SH3BP2: variants seen among roughly 807,000 people sequenced by gnomAD.
SH3BP2 encodes SH3 domain binding protein 2.
A neutral mutation model predicts 56.2 loss-of-function variants in SH3BP2; 38 were observed. The ratio of observed to expected loss-of-function variants is 0.68; its 90% confidence interval spans 0.52 to 0.89. The LOEUF is 0.89. Ranked by LOEUF, SH3BP2 falls within the 40% of genes least tolerant of loss-of-function variation. SH3BP2 has a pLI of 0.00. For missense variants in SH3BP2, 748 were observed against 762.6 expected (o/e 0.98, Z 0.23); for synonymous variants, 346 against 316.7 (o/e 1.09, Z -0.98).
At chr4:2,812,185 G>T in intron 1 of SH3BP2, 1 of 1,435,880 alleles carries the variant, frequency 7.0e-7, no homozygotes, top group Non-Finnish European at 9.1e-7. Context: ...CAGCTTTCAG[G>T]ACCTCACAGG....
intron 1 of SH3BP2, chr4:2,818,199 G>T (rs1479956082): frequency 2.0e-6 from 2 of 987,730 alleles, no homozygotes; most frequent in Non-Finnish European, 2.4e-6. Context: ...AGGAGCCGGC[G>T]GCTGCCAGGC....
chr4:2,812,430 G>A lies in SH3BP2; in HGVS notation c.-4-8184G>A, dbSNP rs1336695081. 18 of 1,550,328 alleles carry A rather than the reference G, an allele frequency of 1.2e-5. No homozygotes were observed. The East Asian group carries it at 1.2e-4, about 11-fold the overall frequency. On this transcript the variant is annotated intron_variant, in intron 1 of 12. Transcript: ENST00000503393. ...CCCTGGGCCCCAGGACACCGGCCCC[G>A]AGCAGGTCACGAGGACGGAGGGCCA... is the stretch of plus-strand genomic sequence containing the variant.
chr4:2,797,214 C>T (rs972923141), intron 1 of SH3BP2, among the ~76,000 whole-genome samples: 1 of 152,130 alleles, frequency 6.6e-6, no homozygotes, highest in African/African-American at 2.4e-5. Context: ...TGCTGGCTGC[C>T]CCTGGACAAG....
chr4:2,831,652 G>C lies in SH3BP2; in HGVS notation c.1323G>C (p.Gly441=), dbSNP rs1307787801. The part of the protein sequence containing the change: ...PRQPSQADTG[G]DDSDEDYEKV... ...AACCCTCACAGGCTGACACTGGCGG[G>C]GACGACTCGGACGAGGACTATGAGA... Residue 441 remains glycine, a synonymous_variant, in exon 9 of 13, where the codon GGG becomes GGC. Coordinates refer to ENST00000503393, the MANE Select transcript of SH3BP2 (RefSeq NM_001122681.2). The surrounding 1 kb of genome is among the most constrained non-coding windows in gnomAD (Gnocchi z 4.1). 6.3e-7 allele frequency: 1 copy of C among 1,591,810 alleles called. No individual in the cohort carries two copies.
chr4:2,811,391 G>A (rs2108712376), intron 1 of SH3BP2, among the ~76,000 whole-genome samples: 1 of 152,310 alleles, frequency 6.6e-6, no homozygotes, highest in East Asian at 1.9e-4. Context: ...CTGCTGTGAG[G>A]GTGGCCCCAG....
intron 5 of SH3BP2, chr4:2,826,412 A>G (rs62637887): frequency 0.33 from 36,778 of 110,352 alleles, 7,841 homozygotes; most frequent in East Asian, 0.54. Context: ...GTGCATGTCC[A>G]CGTGTTGCTC....
Position 2,829,906 on chromosome 4 carries a change from C to G in SH3BP2, c.1000C>G (p.Leu334Val). The G allele has an allele frequency of 6.2e-7, 1 of 1,613,958 alleles. No individual in the cohort carries two copies. Among genetic ancestry groups the G allele is most frequent in the Non-Finnish European group, 8.5e-7 (1 of 1,180,026 alleles). ...TGCCACCTCCAGAAACTGTGACAAA[C>G]TCAAGTCCTTCCACCTGTCCCCCCG... is the stretch of plus-strand genomic sequence containing the variant. ...ATATSRNCDK[L>V]KSFHLSPRGP... is the part of the protein sequence containing the mutation. The change falls in exon 8 of 13, where the codon CTC becomes GTC. Residue 334 changes from leucine (L) to valine (V), a missense_variant. By Grantham distance (32) the Leu-to-Val change is conservative. Around this residue, in one of 3 missense-constraint regions of SH3BP2, gnomAD observed 635 missense variants for 615.0 expected, o/e 1.03. Coordinates refer to ENST00000503393, the MANE Select transcript of SH3BP2 (RefSeq NM_001122681.2). This position sits in a 1 kb window ranked among gnomAD's most constrained non-coding sequence, Gnocchi z 4.9.
intron 3 of SH3BP2, 69 bp from the exon 4 acceptor site, chr4:2,824,544 G>C (rs552065108): frequency 1.0e-4 from 116 of 1,156,278 alleles, no homozygotes; most frequent in South Asian, 3.0e-4. Flanking sequence ...GTGTTCACAG[G>C]GGGGTGCTGT....
chr4:2,832,046 C>A, intron 10 of SH3BP2, 68 bp downstream of exon 10: 1 of 1,521,194 alleles, frequency 6.6e-7, no homozygotes, highest in Non-Finnish European at 9.1e-7. Context: ...GTGTCCCTCT[C>A]ACTAGCTTCC....
intron 1 of SH3BP2, among the ~76,000 whole-genome samples, chr4:2,807,272 A>C (rs1232838468): frequency 6.6e-6 from 1 of 152,166 alleles, no homozygotes; most frequent in Non-Finnish European, 1.5e-5. Flanking sequence ...TTGAGAGTCC[A>C]ATTAGCGCTA....
chr4:2,812,039 T>C (rs1420783196), intron 1 of SH3BP2: 9 of 550,882 alleles, frequency 1.6e-5, no homozygotes, highest in African/African-American at 1.6e-4. Flanking sequence ...GCAGGGAGCT[T>C]CCTCCCAGGG....
At chr4:2,798,914 A>G in intron 1 of SH3BP2, 1 of 908,202 alleles carries the variant, frequency 1.1e-6, no homozygotes, top group Non-Finnish European at 1.3e-6. Flanking sequence ...GTGCAGCCTC[A>G]TGGGATGCGT....
In SH3BP2 at chr4:2,829,516, T is replaced by TA; in HGVS notation, c.611dup (p.Tyr204Ter). The change falls in exon 8 of 13, where the codon TAC (tyrosine) becomes TAAC (stop). Residue 204 changes from tyrosine to a stop codon, truncating the protein, a stop_gained and frameshift_variant. Coordinates refer to ENST00000503393, the MANE Select transcript of SH3BP2 (RefSeq NM_001122681.2). LOFTEE classifies it high-confidence loss of function. The surrounding 1 kb of genome is among the most constrained non-coding windows in gnomAD (Gnocchi z 4.9). ...AGATGCCCTGATGCACCCACCGGCT[T>TA]ACCCACCACCCCCAGTGCCCACGCC... ...LEDALMHPPA[Y>*]PPPPVPTPRK... 6.2e-7 allele frequency: 1 copy of TA among 1,613,580 alleles called. No individual in the cohort carries two copies. The highest frequency in any genetic ancestry group is 8.5e-7 in the Non-Finnish European group (1 of 1,179,976).
intron 1 of SH3BP2, chr4:2,796,482 C>T (rs924835385): frequency 1.5e-5 from 15 of 984,166 alleles, no homozygotes; most frequent in Non-Finnish European, 1.7e-5. Flanking sequence ...AGGTGACTGG[C>T]CCTTTCTTCA....
intron 1 of SH3BP2, among the ~76,000 whole-genome samples, chr4:2,813,347 T>C (rs1723847231): frequency 6.6e-6 from 1 of 152,216 alleles, no homozygotes; most frequent in Non-Finnish European, 1.5e-5. Context: ...TCTTCGTCAG[T>C]GACTTGGGGA....
chr4:2,818,667 C>A, intron 1 of SH3BP2: 3 of 983,152 alleles, frequency 3.1e-6, no homozygotes, highest in Non-Finnish European at 3.7e-6. Context: ...TCCTTCGGGC[C>A]GGGCGCGGTT....
chr4:2,816,834 G>A (rs996285993), intron 1 of SH3BP2, among the ~76,000 whole-genome samples: 4 of 150,688 alleles, frequency 2.7e-5, no homozygotes, highest in African/African-American at 1.0e-4. Context: ...GATTCAGTTG[G>A]CCAGTATTTT....
In SH3BP2 at chr4:2,827,314, T is replaced by C. The variant is rs375149081; in HGVS notation, c.513T>C (p.Asn171=). ...GCCTTTCCCCGTACCCCACGGACAA[T>C]GAAGGTGAGGTCTTTCTCCGCATCC... ...DISLSPYPTD[N]EDYEHDDEDD... The change falls in exon 6 of 13, where the codon AAT becomes AAC. Residue 171 remains asparagine, a synonymous_variant. Coordinates refer to ENST00000503393, the MANE Select transcript of SH3BP2 (RefSeq NM_001122681.2). 9.3e-6 allele frequency: 15 copies of C among 1,613,744 alleles called. No homozygotes were observed. The African/African-American group carries it at 1.3e-4, about 14-fold the overall frequency.
chr4:2,834,024 C>T lies in SH3BP2; in HGVS notation c.*190C>T, dbSNP rs995239959. 9.1e-6 allele frequency: 6 copies of T among 659,736 alleles called. No individual in the cohort carries two copies. Among genetic ancestry groups the T allele is most frequent in the Non-Finnish European group, 1.3e-5 (5 of 393,516 alleles). 40.9% of individuals were successfully genotyped at this position (659,736 alleles called of 1,614,324 possible). A position where few individuals can be genotyped will look rare whatever the true frequency, so the allele number is the denominator to read the frequency against. On this transcript the variant is annotated 3_prime_UTR_variant, in exon 13 of 13. Transcript: ENST00000503393. Reference sequence around the variant, plus strand: ...GGTTGGGTTCTAGGGCTGAACCAGGCGCCAGGCTCCAGAGGACGAAGGGAC... The same window carrying T: ...GGTTGGGTTCTAGGGCTGAACCAGGTGCCAGGCTCCAGAGGACGAAGGGAC...
Sources: gnomAD v4.1 joint callset for allele counts (sites outside exome capture counted in the v4.1 genomes callset) on GRCh38, gnomAD v4.1.1 for gene constraint, gnomAD v4.1.1 regional missense constraint, Gnocchi (gnomAD v3.1) non-coding constraint, MANE v1.5 for transcripts, NCBI Gene and HGNC (gene_info 2026-07-23, HGNC 2026-07-21) for gene names.